Variants in TUSC3 observed in about 807,000 individuals in gnomAD.
TUSC3 encodes the protein dolichyl-diphosphooligosaccharide--protein glycosyltransferase subunit TUSC3.
A neutral mutation model predicts 44.8 loss-of-function variants in TUSC3; 45 were observed. That is an observed-to-expected ratio of 1.00 (90% CI 0.79 to 1.29). TUSC3 has a LOEUF of 1.29. TUSC3 is among the 50% of genes most tolerant of loss of function. The pLI is 0.00. For missense variants in TUSC3, 519 were observed against 437.9 expected (o/e 1.19, Z -1.65); for synonymous variants, 212 against 152.9 (o/e 1.39, Z -2.85).
At chr8:15,722,927 C>A (rs1369236092) in intron 6 of TUSC3, among the ~76,000 whole-genome samples, 1 of 152,060 alleles carries the variant, frequency 6.6e-6, no homozygotes, top group Non-Finnish European at 1.5e-5. Context: ...TCCCATACAG[C>A]CTCCCACAAA....
Position 15,569,633 on chromosome 8 carries a change from C to T in TUSC3, c.138+29065C>T, listed in dbSNP as rs1802798329. Among the ~76,000 whole-genome samples, 5 of 152,258 alleles carry T rather than the reference C, an allele frequency of 3.3e-5. No homozygotes were observed. The South Asian group carries it at 1.0e-3, about 32-fold the overall frequency. On this transcript the variant is annotated intron_variant, in intron 1 of 10. Coordinates refer to ENST00000503731, the MANE Select transcript of TUSC3 (RefSeq NM_006765.4). ...GCAATTAATAATTTTGCTGAGATGACAGGAGTAAACTGGGACTTTCCCTGG... is the reference window on the plus strand; with the variant it reads ...GCAATTAATAATTTTGCTGAGATGATAGGAGTAAACTGGGACTTTCCCTGG...
intron 1 of TUSC3, among the ~76,000 whole-genome samples, chr8:15,585,592 C>T (rs1212352661): frequency 2.0e-5 from 3 of 152,158 alleles, no homozygotes; most frequent in Non-Finnish European, 2.9e-5. Flanking sequence ...TGTAGCTCCA[C>T]CCTGTCTTCC....
At chr8:15,734,147 T>C (rs139292064) in intron 7 of TUSC3, among the ~76,000 whole-genome samples, 3 of 152,364 alleles carry the variant, frequency 2.0e-5, no homozygotes, top group Admixed American at 6.5e-5. Context: ...GTGTATTTTG[T>C]TTTCTTCTGG....
At chr8:15,501,939 G>A (rs932653624) in intron 2 of TUSC3, among the ~76,000 whole-genome samples, 4 of 152,272 alleles carry the variant, frequency 2.6e-5, no homozygotes, top group African/African-American at 4.8e-5. Flanking sequence ...TGGAAGTAAC[G>A]ACTGATAACT....
At chr8:15,657,989 T>G (rs573046288) in intron 3 of TUSC3, among the ~76,000 whole-genome samples, 1 of 152,266 alleles carries the variant, frequency 6.6e-6, no homozygotes, top group South Asian at 2.1e-4. Flanking sequence ...AGGCTCAACT[T>G]GCACTTTTAT....
At chr8:15,697,755 G>A (rs897409789) in intron 6 of TUSC3, among the ~76,000 whole-genome samples, 2 of 152,110 alleles carry the variant, frequency 1.3e-5, no homozygotes, top group East Asian at 1.9e-4. Context: ...AAAGGATTTC[G>A]TTTTTGTTGT....
intron 1 of TUSC3, among the ~76,000 whole-genome samples, chr8:15,597,396 A>G (rs552248421): frequency 6.6e-6 from 1 of 152,212 alleles, no homozygotes; most frequent in East Asian, 1.9e-4. Context: ...GCATTCTTAA[A>G]TATTAGTTGC....
At chr8:15,685,689 C>T (rs941819679) in intron 6 of TUSC3, among the ~76,000 whole-genome samples, 6 of 151,992 alleles carry the variant, frequency 3.9e-5, no homozygotes, top group Admixed American at 1.3e-4. Flanking sequence ...TTTAGAATGG[C>T]GCATAGTTTG....
intron 6 of TUSC3, among the ~76,000 whole-genome samples, chr8:15,696,114 G>C (rs1809149047): frequency 6.6e-6 from 1 of 152,234 alleles, no homozygotes. Context: ...TCCAGGGAAT[G>C]TTAAAGGTCT....
chr8:15,492,895 A>G (rs189288912), intron 2 of TUSC3, among the ~76,000 whole-genome samples: 153 of 152,306 alleles, frequency 1.0e-3, no homozygotes, highest in African/African-American at 3.5e-3. Context: ...ATCTAGTGAT[A>G]ATTATCTCTT....
intron 2 of TUSC3, among the ~76,000 whole-genome samples, chr8:15,634,390 T>C (rs898852897): frequency 2.0e-5 from 3 of 152,190 alleles, no homozygotes; most frequent in Non-Finnish European, 4.4e-5. Context: ...TTTTATTGAC[T>C]ATGCCACTAG....
At chr8:15,680,335 G>A (rs77448817) in intron 6 of TUSC3, among the ~76,000 whole-genome samples, 1 of 151,780 alleles carries the variant, frequency 6.6e-6, no homozygotes, top group East Asian at 1.9e-4. Context: ...TAATTTGTGT[G>A]TGTATGTGTG....
the TUSC3 span, among the ~76,000 whole-genome samples, chr8:15,816,085 C>T: frequency 6.6e-6 from 1 of 152,050 alleles, no homozygotes; most frequent in South Asian, 2.1e-4. Context: ...ACATGAATGG[C>T]AGTTAAGATG....
upstream of TUSC3, among the ~76,000 whole-genome samples, chr8:15,539,453 T>C (rs1563278605): frequency 6.7e-6 from 1 of 148,590 alleles, no homozygotes; most frequent in Non-Finnish European, 1.5e-5. Flanking sequence ...CCCGGGTTTA[T>C]GCCATTCTCC....
At chr8:15,589,168 T>G (rs186053666) in intron 1 of TUSC3, among the ~76,000 whole-genome samples, 1 of 152,320 alleles carries the variant, frequency 6.6e-6, no homozygotes, top group Admixed American at 6.5e-5. Flanking sequence ...TGGGATATAT[T>G]TTTGCATACC....
In TUSC3 at chr8:15,417,524, A is replaced by T. The variant is rs1262625455; in HGVS notation, n.91+219A>T. Among the ~76,000 whole-genome samples the T allele has an allele frequency of 2.0e-5, 3 of 152,198 alleles. No homozygotes were observed. In the East Asian group the frequency reaches 5.8e-4, roughly 29 times the overall value. On this transcript the variant is annotated intron_variant and non_coding_transcript_variant, in intron 1 of 5. Coordinates refer to the TUSC3 transcript ENST00000503191. ...TGGATCCTGACCTGTAAAACCACAG[A>T]TGTCCAGCTAAGAGGTCATATGACG...
chr8:15,780,081 G>C, the TUSC3 span, among the ~76,000 whole-genome samples: 2 of 152,180 alleles, frequency 1.3e-5, no homozygotes, highest in African/African-American at 2.4e-5. Context: ...ATAATATGGT[G>C]ATGTCAGCAA....
chr8:15,647,068 C>G lies in TUSC3; in HGVS notation c.309-3629C>G, dbSNP rs528910057. ...CTTCTTCTCTTTTACATACCAAATT[C>G]TGTTGGCTATCGTTCTATATTGTCA... is the stretch of plus-strand genomic sequence containing the variant. On this transcript the variant is annotated intron_variant, in intron 2 of 10. Coordinates refer to ENST00000503731, the MANE Select transcript of TUSC3 (RefSeq NM_006765.4). Among the ~76,000 whole-genome samples, 8 of 152,178 alleles carry G rather than the reference C, an allele frequency of 5.3e-5. No individual in the cohort carries two copies. The South Asian group carries it at 1.7e-3, about 32-fold the overall frequency.
intron 2 of TUSC3, among the ~76,000 whole-genome samples, chr8:15,518,861 A>G (rs1475510632): frequency 6.6e-6 from 1 of 152,170 alleles, no homozygotes; most frequent in East Asian, 1.9e-4. Flanking sequence ...ATATAATCCC[A>G]TTTTAAAATA....
Sources: allele counts gnomAD v4.1 joint callset (sites outside exome capture counted in the v4.1 genomes callset), GRCh38; gene constraint gnomAD v4.1.1; transcripts MANE v1.5; gene names NCBI Gene and HGNC (gene_info 2026-07-23, HGNC 2026-07-21).